Variants in BCAS3 observed in about 807,000 individuals in gnomAD.
BCAS3 encodes BCAS3 microtubule associated cell migration factor, also known as BCAS4/BCAS3 fusion.
Under a neutral mutation model 116.1 loss-of-function variants are expected in BCAS3, and 53 were observed. That is an observed-to-expected ratio of 0.46 (90% CI 0.37 to 0.57). The LOEUF (loss-of-function observed/expected upper bound fraction) is 0.57. Ranked by LOEUF, BCAS3 falls within the 20% of genes least tolerant of loss-of-function variation. The pLI, the probability that BCAS3 is intolerant of heterozygous loss-of-function variation, is 0.00. For missense variants in BCAS3, 917 were observed against 1,165.4 expected (o/e 0.79, Z 3.10); for synonymous variants, 391 against 408.2 (o/e 0.96, Z 0.51).
chr17:61,047,374 A>G (rs573258656), intron 19 of BCAS3, among the ~76,000 whole-genome samples: 1 of 152,134 alleles, frequency 6.6e-6, no homozygotes, highest in South Asian at 2.1e-4. Context: ...AAAGTCTGAT[A>G]TTTCAGCAGT....
chr17:61,045,612 T>TCC (rs2067982700), intron 19 of BCAS3, among the ~76,000 whole-genome samples: 1 of 149,448 alleles, frequency 6.7e-6, no homozygotes, highest in Admixed American at 6.8e-5. Context: ...AGCCAGGAGT[T>TCC]TGATATCAGC....
intron 11 of BCAS3, among the ~76,000 whole-genome samples, chr17:60,909,764 C>A (rs1285821696): frequency 6.6e-6 from 1 of 151,994 alleles, no homozygotes; most frequent in South Asian, 2.1e-4. Context: ...AGGATATTCA[C>A]ATAGAAGAAA....
intron 22 of BCAS3, among the ~76,000 whole-genome samples, chr17:61,236,486 ATT>A (rs1373493093): frequency 1.3e-5 from 2 of 151,966 alleles, no homozygotes; most frequent in Non-Finnish European, 2.9e-5. Context: ...TGCCTGGCTA[ATT>A]TTTTTGTATT....
rs2048933930 is a variant in BCAS3, at chr17:61,258,207, C to A, written c.2426-110120C>A. On this transcript the variant is annotated intron_variant, in intron 22 of 23. Transcript: ENST00000407086. The surrounding 1 kb of genome is among the most constrained non-coding windows in gnomAD (Gnocchi z 4.7). ...TCTTCTTTTCTCTGAATATCTTTGT[C>A]TTTAATAGTCATTGCCCTCTTATGG... 6.6e-6 allele frequency among the ~76,000 whole-genome samples: 1 copy of A among 152,164 alleles called. No homozygotes were observed. Among genetic ancestry groups the A allele is most frequent in the African/African-American group, 2.4e-5 (1 of 41,426 alleles).
rs1164705294 is a variant in BCAS3, at chr17:60,910,415, A to G, written c.823-117A>G. 8.7e-6 allele frequency: 7 copies of G among 807,098 alleles called. No homozygotes were observed. In the East Asian group the frequency reaches 2.2e-4, roughly 25 times the overall value. The allele number at this position is 807,098 out of a possible 1,614,324, so 50.0% of individuals were successfully genotyped here. A position where few individuals can be genotyped will look rare whatever the true frequency, so the allele number is the denominator to read the frequency against. On this transcript the variant is annotated intron_variant, in intron 11 of 23. Transcript: ENST00000407086. ...TGAATGTCTGTGACAGTTTACTGCT[A>G]TAAAAGATTGTAAGAGAATAAATAA... is the stretch of plus-strand genomic sequence containing the variant.
chr17:60,905,041 A>T (rs2058114638), intron 11 of BCAS3, among the ~76,000 whole-genome samples: 1 of 152,232 alleles, frequency 6.6e-6, no homozygotes, highest in African/African-American at 2.4e-5. Flanking sequence ...AGAACACTAC[A>T]GTCCAAATCA....
chr17:60,785,348 C>A (rs780339404), intron 6 of BCAS3, among the ~76,000 whole-genome samples: 5 of 151,704 alleles, frequency 3.3e-5, no homozygotes, highest in African/African-American at 9.7e-5. Context: ...TAGTAGAAAT[C>A]GGGTTTCACC....
chr17:60,779,472 C>T (rs559123405), intron 6 of BCAS3, among the ~76,000 whole-genome samples: 7 of 151,430 alleles, frequency 4.6e-5, no homozygotes, highest in African/African-American at 1.5e-4. Context: ...CAGGTTCAAG[C>T]GATTCTCCTG....
intron 21 of BCAS3, among the ~76,000 whole-genome samples, chr17:61,081,629 G>T (rs2072617824): frequency 6.6e-6 from 1 of 152,140 alleles, no homozygotes; most frequent in Non-Finnish European, 1.5e-5. Context: ...ACTTTCAGCA[G>T]GTAAGCTTGG....
rs1228057762 is a variant in BCAS3, at chr17:61,202,239, G to A, written c.2425+117675G>A. Among the ~76,000 whole-genome samples, 4 of 149,552 alleles carry A rather than the reference G, an allele frequency of 2.7e-5. No individual in the cohort carries two copies. The South Asian group carries it at 6.3e-4, about 24-fold the overall frequency. ...TACAAGCTCTGCCTCCCGGGTTCAC[G>A]CCGTTCTCCTGCCTCAGCCTCCTGA... is the stretch of plus-strand genomic sequence containing the variant. On this transcript the variant is annotated intron_variant, in intron 22 of 23. Transcript: ENST00000407086.
intron 22 of BCAS3, among the ~76,000 whole-genome samples, chr17:61,086,492 A>G (rs1254607814): frequency 6.6e-6 from 1 of 152,218 alleles, no homozygotes; most frequent in Non-Finnish European, 1.5e-5. Context: ...ATCCTTTTGC[A>G]AGAAGAGTTT....
intron 7 of BCAS3, among the ~76,000 whole-genome samples, chr17:60,837,203 A>G (rs1268480302): frequency 6.6e-6 from 1 of 152,186 alleles, no homozygotes; most frequent in African/African-American, 2.4e-5. Flanking sequence ...TAGTAGGTGT[A>G]TATTCAATAA....
chr17:60,911,721 C>T (rs2058526138), intron 12 of BCAS3, among the ~76,000 whole-genome samples: 1 of 152,190 alleles, frequency 6.6e-6, no homozygotes, highest in African/African-American at 2.4e-5. Context: ...AGGCATGAGC[C>T]ACTGCGCCCA....
chr17:60,764,927 A>T (rs1158635696), intron 6 of BCAS3, among the ~76,000 whole-genome samples: 1 of 149,344 alleles, frequency 6.7e-6, no homozygotes, highest in Non-Finnish European at 1.5e-5. Context: ...TTCTTGTTGA[A>T]TTGTTCCCTT....
rs557165752 is a variant in BCAS3, at chr17:61,161,406, G to A, written c.2425+76842G>A. Among the ~76,000 whole-genome samples, 2 of 152,172 alleles carry A rather than the reference G, an allele frequency of 1.3e-5. No individual in the cohort carries two copies. Among genetic ancestry groups the A allele is most frequent in the South Asian group, 4.1e-4 (2 of 4,836 alleles). Reference sequence around the variant, plus strand: ...TTTGATCATGTTACAAGGCCCACTTGTTGCATTTAATTTAAAGCAGTTGTC... The same window carrying A: ...TTTGATCATGTTACAAGGCCCACTTATTGCATTTAATTTAAAGCAGTTGTC... On this transcript the variant is annotated intron_variant, in intron 22 of 23. Transcript: ENST00000407086. The surrounding 1 kb of genome is among the most constrained non-coding windows in gnomAD (Gnocchi z 4.8).
intron 10 of BCAS3, among the ~76,000 whole-genome samples, chr17:60,895,662 T>G (rs1233029099): frequency 6.6e-6 from 1 of 152,228 alleles, no homozygotes; most frequent in Non-Finnish European, 1.5e-5. Flanking sequence ...TTTGTACTTT[T>G]TTGATGTAGG....
intron 7 of BCAS3, among the ~76,000 whole-genome samples, chr17:60,817,781 A>G (rs771089441): frequency 2.0e-5 from 3 of 152,216 alleles, no homozygotes; most frequent in African/African-American, 7.2e-5. Flanking sequence ...GTCTTTTGCC[A>G]AGCAAGAACA....
rs1600629718 is a variant in BCAS3, at chr17:61,032,908, C to A, written c.1638-1758C>A. Among the ~76,000 whole-genome samples the A allele has an allele frequency of 6.6e-6, 1 of 152,084 alleles. No individual in the cohort carries two copies. Among genetic ancestry groups the A allele is most frequent in the Non-Finnish European group, 1.5e-5 (1 of 68,006 alleles). On this transcript the variant is annotated intron_variant, in intron 16 of 23. Transcript: ENST00000407086. The surrounding 1 kb of genome is among the most constrained non-coding windows in gnomAD (Gnocchi z 4.6). ...GGTTTCTTTCATATATAGTAATATG[C>A]ATTACCATGGATTTTGTTCAAAGTG...
intron 22 of BCAS3, among the ~76,000 whole-genome samples, chr17:61,195,485 A>T (rs558627513): frequency 1.4e-3 from 210 of 151,818 alleles, no homozygotes; most frequent in African/African-American, 4.9e-3. Flanking sequence ...TCAGCCTCCC[A>T]AGTAGCTGGG....
Sources: gnomAD v4.1 joint callset for allele counts (sites outside exome capture counted in the v4.1 genomes callset) on GRCh38, gnomAD v4.1.1 for gene constraint, Gnocchi (gnomAD v3.1) non-coding constraint, MANE v1.5 for transcripts, NCBI Gene and HGNC (gene_info 2026-07-23, HGNC 2026-07-21) for gene names.